VPS13B: variants seen among roughly 807,000 people sequenced by gnomAD.
The protein encoded by VPS13B is vacuolar protein sorting 13 homolog B.
Under a neutral mutation model 426.4 loss-of-function variants are expected in VPS13B, and 285 were observed. That is an observed-to-expected ratio of 0.67 (90% confidence interval 0.61 to 0.74). VPS13B has a LOEUF of 0.74. Among genes scored for constraint, VPS13B ranks in the 30% least tolerant of loss-of-function variants. The pLI, the probability that VPS13B is intolerant of heterozygous loss-of-function variation, is 0.00. For synonymous variants in VPS13B, 1,676 were observed against 1,676.4 expected, an observed-to-expected ratio of 1.00 and a Z score of 0.01; for missense variants, 4,537 against 4,782.6, an observed-to-expected ratio of 0.95 and a Z score of 1.51.
chr8:99,319,089 A>G (rs1005584728), intron 19 of VPS13B, among the ~76,000 whole-genome samples: 1 of 152,194 alleles, frequency 6.6e-6, no homozygotes, highest in African/African-American at 2.4e-5. Context: ...TAAGGGAGAA[A>G]TAAAAGGAAA....
intron 17 of VPS13B, among the ~76,000 whole-genome samples, chr8:99,271,056 T>A (rs931737893): frequency 1.3e-5 from 2 of 152,120 alleles, no homozygotes; most frequent in African/African-American, 4.8e-5. Context: ...CTAAGGATTA[T>A]TTTGTGTTTG....
chr8:99,335,767 G>T (rs186269964), intron 19 of VPS13B, among the ~76,000 whole-genome samples: 9 of 152,220 alleles, frequency 5.9e-5, no homozygotes, highest in East Asian at 3.9e-4. Context: ...ACTCACAATT[G>T]CTTCAAAGAG....
intron 25 of VPS13B, among the ~76,000 whole-genome samples, chr8:99,498,356 T>C (rs1277942817): frequency 2.0e-5 from 3 of 152,044 alleles, no homozygotes; most frequent in African/African-American, 7.2e-5. Context: ...ATAGAGAACT[T>C]ACTGTAAATG....
chr8:99,072,494 C>G (rs1054172211), intron 3 of VPS13B, among the ~76,000 whole-genome samples: 1 of 152,160 alleles, frequency 6.6e-6, no homozygotes, highest in African/African-American at 2.4e-5. Context: ...CTCTCCCACT[C>G]CTCAAGCTTA....
At chr8:99,083,956 A>G (rs1427346486) in intron 3 of VPS13B, among the ~76,000 whole-genome samples, 2 of 151,536 alleles carry the variant, frequency 1.3e-5, no homozygotes, top group African/African-American at 2.4e-5. Flanking sequence ...TGGTATCAGG[A>G]TGATGCTGGC....
rs563914284 is a variant in VPS13B at position 99,852,361 on chromosome 8, G to C, written c.10062-1090G>C. Reference sequence around the variant, plus strand: ...CATCAACATATAGATGGTATTTCAGGTCATAAGACTGGATGAGATCCCCAA... The same window carrying C: ...CATCAACATATAGATGGTATTTCAGCTCATAAGACTGGATGAGATCCCCAA... On this transcript the variant is annotated intron_variant, in intron 55 of 61. Transcript: ENST00000357162. 7.9e-5 allele frequency among the ~76,000 whole-genome samples: 12 copies of C among 152,310 alleles called. No homozygotes were observed. The South Asian group carries it at 2.1e-3, about 26-fold the overall frequency.
In VPS13B at chr8:99,870,765, C is replaced by G. The variant is rs375736015; in HGVS notation, c.11393-20C>G. ...TTCCAGAAAACAAGTAGTAAAACTC[C>G]CTTACTTCTCTTACCACAGGTATTT... On this transcript the variant is annotated intron_variant, in intron 59 of 61. Coordinates refer to ENST00000357162, the MANE Select transcript of VPS13B (RefSeq NM_152564.5). 15 of 1,611,944 alleles carry G rather than the reference C, an allele frequency of 9.3e-6. No homozygotes were observed. The African/African-American group carries it at 1.6e-4, about 17-fold the overall frequency.
chr8:99,191,040 G>T (rs931808525), intron 16 of VPS13B, among the ~76,000 whole-genome samples: 4 of 148,696 alleles, frequency 2.7e-5, no homozygotes, highest in African/African-American at 9.9e-5. Flanking sequence ...ATTTTTGAAA[G>T]TTTTTTTTTT....
chr8:99,663,596 A>G (rs182655467), intron 35 of VPS13B, among the ~76,000 whole-genome samples: 7 of 152,320 alleles, frequency 4.6e-5, no homozygotes, highest in Admixed American at 4.6e-4. Flanking sequence ...TGCTCTTTAC[A>G]CTGTGATACA....
At chr8:99,370,559 C>G (rs1813119029) in intron 19 of VPS13B, among the ~76,000 whole-genome samples, 1 of 146,986 alleles carries the variant, frequency 6.8e-6, no homozygotes, top group African/African-American at 2.5e-5. Context: ...GATTTATCCT[C>G]TAAATGCATA....
intron 24 of VPS13B, among the ~76,000 whole-genome samples, chr8:99,469,401 C>T (rs1427711104): frequency 6.6e-6 from 1 of 152,052 alleles, no homozygotes; most frequent in Admixed American, 6.6e-5. Flanking sequence ...ATCTTGAACT[C>T]CTGGCTTCAA....
chr8:99,383,087 G>A (rs1033945661), intron 19 of VPS13B, among the ~76,000 whole-genome samples: 3 of 152,068 alleles, frequency 2.0e-5, no homozygotes, highest in Non-Finnish European at 4.4e-5. Context: ...TATATAACCC[G>A]CACATAAATT....
chr8:99,401,369 T>TA (rs1299667638), intron 21 of VPS13B, among the ~76,000 whole-genome samples: 1 of 152,174 alleles, frequency 6.6e-6, no homozygotes, highest in Non-Finnish European at 1.5e-5. Context: ...TTAGTTAAAA[T>TA]AATAAAATTT....
Position 99,617,233 on chromosome 8 carries a change from A to T in VPS13B, c.5221-24578A>T, listed in dbSNP as rs563440310. On this transcript the variant is annotated intron_variant, in intron 33 of 61. Transcript: ENST00000357162. ...TAGATGATCTATTTTAAGCCTAAAA[A>T]TGAAGGTTGATTGTGTGAAACATAT... is the stretch of plus-strand genomic sequence containing the variant. Among the ~76,000 whole-genome samples, 10 of 152,326 alleles carry T rather than the reference A, an allele frequency of 6.6e-5. No homozygotes were observed. In the South Asian group the frequency reaches 2.1e-3, roughly 32 times the overall value.
chr8:99,520,438 AATT>A (rs1369677196), intron 29 of VPS13B, among the ~76,000 whole-genome samples: 4 of 143,526 alleles, frequency 2.8e-5, no homozygotes, highest in Admixed American at 7.0e-5. Flanking sequence ...TGTTGTATTT[AATT>A]ATTATTTAGC....
chr8:99,323,466 A>G (rs1489533656), intron 19 of VPS13B, among the ~76,000 whole-genome samples: 1 of 152,192 alleles, frequency 6.6e-6, no homozygotes, highest in Non-Finnish European at 1.5e-5. Context: ...TTTTGCATTG[A>G]GAAAACAGGC....
intron 33 of VPS13B, among the ~76,000 whole-genome samples, chr8:99,590,828 G>A (rs1826614015): frequency 6.6e-6 from 1 of 152,110 alleles, no homozygotes; most frequent in Non-Finnish European, 1.5e-5. Context: ...TTGGGGTGAG[G>A]AGTTACGTAG....
chr8:99,213,086 T>TA (rs1158251444), intron 17 of VPS13B, among the ~76,000 whole-genome samples: 5 of 152,216 alleles, frequency 3.3e-5, no homozygotes, highest in Admixed American at 3.3e-4. Context: ...ATTTCTTACC[T>TA]ACTAAGTGCT....
chr8:99,324,176 A>C (rs1026561631), intron 19 of VPS13B, among the ~76,000 whole-genome samples: 2 of 152,244 alleles, frequency 1.3e-5, no homozygotes, highest in South Asian at 2.1e-4. Context: ...TAGGCTTAGA[A>C]GCCAAGCAGA....
Sources: allele counts gnomAD v4.1 joint callset (sites outside exome capture counted in the v4.1 genomes callset), GRCh38; gene constraint gnomAD v4.1.1; transcripts MANE v1.5; gene names NCBI Gene and HGNC (gene_info 2026-07-23, HGNC 2026-07-21).